CSMD1: variants seen among roughly 807,000 people sequenced by gnomAD.
CSMD1 encodes CUB and Sushi multiple domains 1, also known as CUB and sushi domain-containing protein 1.
In CSMD1, 213 loss-of-function variants were observed where a neutral mutation model predicts 417.5. The ratio of observed to expected loss-of-function variants is 0.51; its 90% CI spans 0.46 to 0.57. CSMD1 has a LOEUF of 0.57. CSMD1 is among the 20% of genes least tolerant of loss of function. The pLI is 0.00. For missense variants in CSMD1, 6,923 were observed against 4,529.7 expected (o/e 1.53, Z -15.17); for synonymous variants, 2,862 against 1,736.8 (o/e 1.65, Z -16.11).
intron 29 of CSMD1, among the ~76,000 whole-genome samples, chr8:3,216,395 T>C (rs2116828484): frequency 6.6e-6 from 1 of 152,360 alleles, no homozygotes; most frequent in South Asian, 2.1e-4. Flanking sequence ...TTCACAATAT[T>C]TTCCCCTATT....
At chr8:3,807,859 T>A (rs576587587) in intron 5 of CSMD1, among the ~76,000 whole-genome samples, 37 of 152,292 alleles carry the variant, frequency 2.4e-4, no homozygotes, top group Admixed American at 2.1e-3. Flanking sequence ...TGTGCTCCCT[T>A]GGGGTAATGC....
intron 3 of CSMD1, among the ~76,000 whole-genome samples, chr8:4,060,338 T>A (rs1798907367): frequency 6.6e-6 from 1 of 152,180 alleles, no homozygotes; most frequent in African/African-American, 2.4e-5. Flanking sequence ...GCCGATATCA[T>A]ACTGAATGGG....
intron 5 of CSMD1, among the ~76,000 whole-genome samples, chr8:3,787,748 G>C (rs1029752168): frequency 6.6e-6 from 1 of 152,138 alleles, no homozygotes; most frequent in Non-Finnish European, 1.5e-5. Context: ...ACCCTGTATG[G>C]GGAAGTTAAG....
At chr8:3,983,354 T>C (rs1345965611) in intron 5 of CSMD1, among the ~76,000 whole-genome samples, 2 of 152,064 alleles carry the variant, frequency 1.3e-5, no homozygotes, top group African/African-American at 4.8e-5. Flanking sequence ...ATGGTCTCCA[T>C]CTCCTGACCT....
At chr8:3,707,269 C>T (rs1801223316) in intron 7 of CSMD1, among the ~76,000 whole-genome samples, 1 of 151,722 alleles carries the variant, frequency 6.6e-6, no homozygotes, top group Non-Finnish European at 1.5e-5. Context: ...CATATAAAAC[C>T]TCATGCAGAA....
intron 3 of CSMD1, among the ~76,000 whole-genome samples, chr8:4,415,221 C>T (rs550284337): frequency 6.6e-6 from 1 of 152,230 alleles, no homozygotes; most frequent in South Asian, 2.1e-4. Context: ...GCCTCCGCTC[C>T]CCACTGAACT....
chr8:3,585,137 T>C (rs1316762804), intron 9 of CSMD1, among the ~76,000 whole-genome samples: 5 of 152,106 alleles, frequency 3.3e-5, no homozygotes, highest in Non-Finnish European at 4.4e-5. Flanking sequence ...CCCTAGTGGT[T>C]ATAGGGACCA....
At chr8:3,563,786 G>A (rs1216517776) in intron 10 of CSMD1, among the ~76,000 whole-genome samples, 1 of 152,092 alleles carries the variant, frequency 6.6e-6, no homozygotes, top group Non-Finnish European at 1.5e-5. Context: ...CTACTCGGGA[G>A]GCTGAAGGGG....
rs563065628 is a variant in CSMD1, at chr8:4,312,104, G to A, written c.415+107849C>T. Reference sequence around the variant, plus strand: ...GTGTCAATTTCCAGGAGTTAAAAAAGTTATCAATACCCCCCTTTTAAAAAT... The same window carrying A: ...GTGTCAATTTCCAGGAGTTAAAAAAATTATCAATACCCCCCTTTTAAAAAT... On this transcript the variant is annotated intron_variant, in intron 3 of 69. Transcript: ENST00000635120. 5.9e-5 allele frequency among the ~76,000 whole-genome samples: 9 copies of A among 152,054 alleles called. No individual in the cohort carries two copies. In the East Asian group the frequency reaches 1.7e-3, roughly 29 times the overall value.
At chr8:3,481,336 A>G (rs927548542) in intron 11 of CSMD1, among the ~76,000 whole-genome samples, 43 of 152,116 alleles carry the variant, frequency 2.8e-4, no homozygotes, top group African/African-American at 1.0e-3. Context: ...TTTGCTTACC[A>G]TGAGTTCCAT....
Position 3,187,003 on chromosome 8 carries a change from A to G in CSMD1, c.5620+866T>C, listed in dbSNP as rs188629462. On this transcript the variant is annotated intron_variant, in intron 36 of 69. Coordinates refer to ENST00000635120, the MANE Select transcript of CSMD1 (RefSeq NM_033225.6). The stretch of plus-strand genomic sequence containing the variant: ...GTGATCCGCCCACCTCAGCCTCCCA[A>G]TGTAATGCCGGGCTTACAGGCATGA... Among the ~76,000 whole-genome samples, 58 of 152,268 alleles carry G rather than the reference A, an allele frequency of 3.8e-4. 1 individual carries two copies. In the East Asian group the frequency reaches 5.2e-3, roughly 14 times the overall value.
chr8:4,852,739 T>G (rs1801550137), intron 1 of CSMD1, among the ~76,000 whole-genome samples: 1 of 152,114 alleles, frequency 6.6e-6, no homozygotes, highest in South Asian at 2.1e-4. Context: ...GTTAAGTGGT[T>G]ATAACCAAAA....
At chr8:3,943,394 G>C (rs1208710832) in intron 5 of CSMD1, among the ~76,000 whole-genome samples, 2 of 139,092 alleles carry the variant, frequency 1.4e-5, no homozygotes, top group African/African-American at 2.7e-5. Flanking sequence ...AGTTATATTA[G>C]AATGTCTTAT....
chr8:4,496,832 G>A (rs1005024306), intron 2 of CSMD1, among the ~76,000 whole-genome samples: 2 of 152,130 alleles, frequency 1.3e-5, no homozygotes, highest in African/African-American at 4.8e-5. Context: ...TCAAGGTTTA[G>A]AAAAATGAGT....
intron 60 of CSMD1, 38 bp downstream of exon 60, chr8:2,963,184 C>T: frequency 6.2e-7 from 1 of 1,607,316 alleles, no homozygotes; most frequent in Non-Finnish European, 8.5e-7. Context: ...CTGTTGCAGA[C>T]CTGCAGTGGG....
At chr8:4,303,200 T>C (rs1271087544) in intron 3 of CSMD1, among the ~76,000 whole-genome samples, 1 of 152,120 alleles carries the variant, frequency 6.6e-6, no homozygotes, top group African/African-American at 2.4e-5. Flanking sequence ...CAACTGAGAA[T>C]AACATCTGTT....
At chr8:4,532,189 T>A (rs1796855296) in intron 2 of CSMD1, among the ~76,000 whole-genome samples, 1 of 144,332 alleles carries the variant, frequency 6.9e-6, no homozygotes, top group African/African-American at 2.6e-5. Context: ...CTCCATTCAG[T>A]CACTCCGGAA....
chr8:4,370,804 GT>G (rs1171262324), intron 3 of CSMD1, among the ~76,000 whole-genome samples: 6 of 152,124 alleles, frequency 3.9e-5, no homozygotes, highest in African/African-American at 1.4e-4. Flanking sequence ...TCTTAAAATG[GT>G]TATGTTGGCT....
At chr8:4,761,808 G>C (rs1187915566) in intron 1 of CSMD1, among the ~76,000 whole-genome samples, 1 of 151,754 alleles carries the variant, frequency 6.6e-6, no homozygotes, top group Admixed American at 6.6e-5. Flanking sequence ...AAACCTGGTA[G>C]TAAATAAAAT....
Sources: allele counts gnomAD v4.1 joint callset (sites outside exome capture counted in the v4.1 genomes callset), GRCh38; gene constraint gnomAD v4.1.1; transcripts MANE v1.5; gene names NCBI Gene and HGNC (gene_info 2026-07-23, HGNC 2026-07-21).